ZNF277: variants seen among roughly 807,000 people sequenced by gnomAD.
ZNF277 encodes the protein zinc finger protein 277.
ZNF277 carries 55 observed loss-of-function variants against 60.7 expected under a neutral mutation model. The observed-to-expected ratio is 0.91, with a 90% CI of 0.73 to 1.13. The LOEUF is 1.13. Ranked by LOEUF, ZNF277 falls within the 50% of genes most tolerant of loss-of-function variation. ZNF277 has a pLI of 0.00. For synonymous variants in ZNF277, 178 were observed against 179.3 expected (o/e 0.99, Z 0.06); for missense variants, 510 against 523.0 (o/e 0.98, Z 0.24).
chr7:112,296,196 GT>G (rs751152566), intron 3 of ZNF277, 32 bp from the exon 4 acceptor site: 1 of 1,434,294 alleles, frequency 7.0e-7, no homozygotes, highest in South Asian at 1.2e-5. Flanking sequence ...GTTAATATCT[GT>G]TTTCTTATTT....
intron 1 of ZNF277, among the ~76,000 whole-genome samples, chr7:112,217,212 AAG>A (rs1821909257): frequency 6.6e-6 from 1 of 152,208 alleles, no homozygotes; most frequent in East Asian, 1.9e-4. Context: ...TTATGCAAAA[AAG>A]AGATTATTCC....
At position 112,285,204 on chromosome 7, in the gene ZNF277, AT is replaced by A. The variant is rs1303010502; in HGVS notation, c.92-1662del. On this transcript the variant is annotated intron_variant, in intron 1 of 11. Transcript: ENST00000361822. ...ACCACCACGCCCAGCTTATTTTTGTATTTTTTTAGTAGAGACACGGTTTCAC... is the reference window on the plus strand; with the variant it reads ...ACCACCACGCCCAGCTTATTTTTGTATTTTTTAGTAGAGACACGGTTTCAC... Among the ~76,000 whole-genome samples the A allele has an allele frequency of 2.0e-5, 3 of 150,912 alleles. No individual in the cohort carries two copies. The East Asian group carries it at 5.9e-4, about 30-fold the overall frequency.
intron 1 of ZNF277, among the ~76,000 whole-genome samples, chr7:112,257,030 A>G (rs892257117): frequency 1.5e-4 from 23 of 152,196 alleles, no homozygotes; most frequent in South Asian, 6.2e-4. Context: ...AAAGTTTTGT[A>G]TAAGGAGTTT....
intron 1 of ZNF277, among the ~76,000 whole-genome samples, chr7:112,263,271 T>C (rs1459654123): frequency 1.2e-4 from 19 of 152,196 alleles, no homozygotes; most frequent in Non-Finnish European, 2.1e-4. Context: ...GGAGGGTGTA[T>C]GGGGATTGGG....
intron 1 of ZNF277, among the ~76,000 whole-genome samples, chr7:112,220,940 C>T (rs990603156): frequency 1.3e-5 from 2 of 152,126 alleles, no homozygotes; most frequent in Non-Finnish European, 2.9e-5. Context: ...TGTATGGGAG[C>T]TCCGTTTTCA....
In ZNF277 at chr7:112,248,505, T is replaced by C. The variant is rs544154299; in HGVS notation, c.92-38368T>C. Among the ~76,000 whole-genome samples the C allele has an allele frequency of 2.0e-4, 30 of 152,210 alleles. No homozygotes were observed. In the East Asian group the frequency reaches 5.6e-3, roughly 28 times the overall value. The stretch of plus-strand genomic sequence containing the variant: ...GCTTTAATTTTTCCAATTATAATAA[T>C]GCATTTATAATAACACATCAATAAA... On this transcript the variant is annotated intron_variant, in intron 1 of 11. Transcript: ENST00000361822.
chr7:112,325,057 A>C (rs1342217103), intron 5 of ZNF277, among the ~76,000 whole-genome samples: 1 of 152,186 alleles, frequency 6.6e-6, no homozygotes, highest in East Asian at 1.9e-4. Context: ...AGACACACCT[A>C]GAAATGCTAT....
In ZNF277 at chr7:112,342,590, C is replaced by A. The variant is rs752322901; in HGVS notation, c.1214C>A (p.Thr405Asn). ...TATTTTCCAACCTATGAAAATGACA[C>A]TCTCCTGTGTACACTATCTGACAGT... ...EYYFPTYENDTLLCTLSDSES... is the reference protein window; with the variant it reads ...EYYFPTYENDNLLCTLSDSES... The change falls in exon 12 of 12, where the codon ACT becomes AAT. Residue 405 changes from threonine (T) to asparagine (N), a missense_variant. Coordinates refer to ENST00000361822, the MANE Select transcript of ZNF277 (RefSeq NM_021994.3). The A allele has an allele frequency of 4.4e-6, 7 of 1,605,804 alleles. No individual in the cohort carries two copies. Among genetic ancestry groups the A allele is most frequent in the Non-Finnish European group, 5.9e-6 (7 of 1,177,246 alleles).
chr7:112,230,556 A>T (rs540462542), intron 1 of ZNF277, among the ~76,000 whole-genome samples: 1 of 152,342 alleles, frequency 6.6e-6, no homozygotes, highest in Admixed American at 6.5e-5. Flanking sequence ...GTGAAGTGTG[A>T]GTTCCACACT....
chr7:112,288,641 G>GCTGTGACAT (rs1206963343), intron 2 of ZNF277: 3 of 153,744 alleles, frequency 2.0e-5, no homozygotes, highest in Non-Finnish European at 4.4e-5. Context: ...GGGCGATCTG[G>GCTGTGACAT]CTGTGACATC....
At position 112,278,805 on chromosome 7, in the gene ZNF277, CTAT is replaced by C. The variant is rs1791877987; in HGVS notation, c.92-8065_92-8063del. Among the ~76,000 whole-genome samples the C allele has an allele frequency of 3.3e-5, 5 of 152,196 alleles. No individual in the cohort carries two copies. In the South Asian group the frequency reaches 8.3e-4, roughly 25 times the overall value. On this transcript the variant is annotated intron_variant, in intron 1 of 11. Coordinates refer to ENST00000361822, the MANE Select transcript of ZNF277 (RefSeq NM_021994.3). Reference sequence around the variant, plus strand: ...TTCACAAATTTTTTAATGTACACTACTATTAAGTATATGTACATTATTGTACAA... The same window carrying C: ...TTCACAAATTTTTTAATGTACACTACTAAGTATATGTACATTATTGTACAA...
intron 1 of ZNF277, among the ~76,000 whole-genome samples, chr7:112,238,621 A>G (rs1671178797): frequency 6.6e-6 from 1 of 151,946 alleles, no homozygotes; most frequent in African/African-American, 2.4e-5. Flanking sequence ...CCTATGCATC[A>G]CAGTTTGCAG....
At chr7:112,237,882 T>G (rs557237076) in intron 1 of ZNF277, among the ~76,000 whole-genome samples, 1 of 152,188 alleles carries the variant, frequency 6.6e-6, no homozygotes, top group African/African-American at 2.4e-5. Context: ...AAAAGAAAAC[T>G]ATAGACCAAT....
rs529116449 is a variant in ZNF277 at position 112,236,530 on chromosome 7, A to T, written c.91+29723A>T. Among the ~76,000 whole-genome samples the T allele has an allele frequency of 2.0e-5, 3 of 152,154 alleles. No individual in the cohort carries two copies. In the South Asian group the frequency reaches 6.2e-4, roughly 32 times the overall value. ...TCATCTTATTATAGTTGAACATGTA[A>T]GTGTAGGAGAGAAAAAATGTCCTCA... On this transcript the variant is annotated intron_variant, in intron 1 of 11. Coordinates refer to ENST00000361822, the MANE Select transcript of ZNF277 (RefSeq NM_021994.3).
chr7:112,271,449 A>G lies in ZNF277; in HGVS notation c.92-15424A>G, dbSNP rs1171939723. 2.6e-5 allele frequency among the ~76,000 whole-genome samples: 4 copies of G among 152,344 alleles called. No individual in the cohort carries two copies. The Middle Eastern group carries it at 0.01, about 389-fold the overall frequency. Reference sequence around the variant, plus strand: ...TATGATACTTAATGTCACTGAGAACATAGAGTAATTGTCAGTAGACAAATA... The same window carrying G: ...TATGATACTTAATGTCACTGAGAACGTAGAGTAATTGTCAGTAGACAAATA... On this transcript the variant is annotated intron_variant, in intron 1 of 11. Transcript: ENST00000361822.
intron 1 of ZNF277, among the ~76,000 whole-genome samples, chr7:112,253,561 A>AT (rs1415910301): frequency 3.9e-5 from 6 of 151,992 alleles, no homozygotes; most frequent in Non-Finnish European, 5.9e-5. Context: ...CCTGAACTAT[A>AT]TTTTTTTACC....
chr7:112,309,541 C>CT (rs1448750417), intron 4 of ZNF277, among the ~76,000 whole-genome samples: 3 of 151,734 alleles, frequency 2.0e-5, no homozygotes, highest in Non-Finnish European at 2.9e-5. Context: ...TGAGGGTTAG[C>CT]TTTTTTTAAG....
intron 1 of ZNF277, among the ~76,000 whole-genome samples, chr7:112,254,357 A>G (rs893122506): frequency 6.6e-6 from 1 of 152,172 alleles, no homozygotes; most frequent in African/African-American, 2.4e-5. Context: ...AATGGAGCCC[A>G]ATACTCTGTT....
chr7:112,239,883 A>G (rs1244037197), intron 1 of ZNF277, among the ~76,000 whole-genome samples: 1 of 152,228 alleles, frequency 6.6e-6, no homozygotes, highest in Non-Finnish European at 1.5e-5. Flanking sequence ...AACCACTTTT[A>G]AGACATAGAC....
Sources: gnomAD v4.1 joint callset for allele counts (sites outside exome capture counted in the v4.1 genomes callset) on GRCh38, gnomAD v4.1.1 for gene constraint, MANE v1.5 for transcripts, NCBI Gene and HGNC (gene_info 2026-07-23, HGNC 2026-07-21) for gene names.